Variants in CNTN5 observed in about 807,000 individuals in gnomAD.
CNTN5 encodes contactin 5, also known as contactin-5.
CNTN5 carries 77 observed loss-of-function variants against 129.1 expected under a neutral mutation model. That is an observed-to-expected ratio of 0.60 (90% CI 0.50 to 0.72). The LOEUF (loss-of-function observed/expected upper bound fraction) is 0.72. Among genes scored for constraint, CNTN5 ranks in the 30% least tolerant of loss-of-function variants. CNTN5 has a pLI of 0.00. For missense variants in CNTN5, 1,478 were observed against 1,328.8 expected (o/e 1.11, Z -1.75); for synonymous variants, 509 against 465.6 (o/e 1.09, Z -1.20).
chr11:100,305,817 G>A (rs1159731050), intron 20 of CNTN5, among the ~76,000 whole-genome samples: 1 of 151,442 alleles, frequency 6.6e-6, no homozygotes, highest in Non-Finnish European at 1.5e-5. Flanking sequence ...TCTAATTCAG[G>A]TCAACATAGA....
At chr11:99,599,527 G>C (rs1335654653) in intron 3 of CNTN5, among the ~76,000 whole-genome samples, 4 of 152,066 alleles carry the variant, frequency 2.6e-5, no homozygotes, top group Non-Finnish European at 5.9e-5. Context: ...TCCAAATAGT[G>C]TTCTATGTTG....
rs768808972 is a variant in CNTN5, at chr11:100,061,410, A to C, written c.1162+17A>C. 18 of 1,527,800 alleles carry C rather than the reference A, an allele frequency of 1.2e-5. No homozygotes were observed. Among genetic ancestry groups the C allele is most frequent in the Non-Finnish European group, 1.3e-5 (15 of 1,120,604 alleles). The allele number at this position is 1,527,800 out of a possible 1,614,324, so 94.6% of individuals were successfully genotyped here. A position where few individuals can be genotyped will look rare whatever the true frequency, so the allele number is the denominator to read the frequency against. On this transcript the variant is annotated intron_variant, in intron 10 of 24. Coordinates refer to ENST00000524871, the MANE Select transcript of CNTN5 (RefSeq NM_014361.4). ...AAGTATACAGTAAGTGTTTTCAGCA[A>C]AGCATGATTGCTCTAGTCCCAAAAG...
rs146844943 is a variant in CNTN5, at chr11:99,807,589, C to T, written c.56-11955C>T. ...GGAGTGCAGTGACCTGATCTTGGTT[C>T]ACTGCAACCACCACCTCCCAGTTGA... On this transcript the variant is annotated intron_variant, in intron 3 of 24. Transcript: ENST00000524871. Among the ~76,000 whole-genome samples, 392 of 152,210 alleles carry T rather than the reference C, an allele frequency of 2.6e-3. 1 individual carries two copies. Among genetic ancestry groups the T allele is most frequent in the Non-Finnish European group, 2.8e-3 (188 of 68,018 alleles).
intron 6 of CNTN5, among the ~76,000 whole-genome samples, chr11:99,848,429 TATAA>T (rs1403494985): frequency 2.6e-5 from 4 of 152,152 alleles, no homozygotes; most frequent in African/African-American, 9.7e-5. Flanking sequence ...TATCTAAAAA[TATAA>T]ATATTCATTA....
chr11:99,932,601 T>A (rs1349537693), intron 7 of CNTN5, among the ~76,000 whole-genome samples: 3 of 152,184 alleles, frequency 2.0e-5, no homozygotes, highest in African/African-American at 7.2e-5. Context: ...TTATCAGCAA[T>A]GTGACTTTGG....
rs540436888 is a variant in CNTN5 at position 99,763,374 on chromosome 11, A to G, written c.56-56170A>G. Among the ~76,000 whole-genome samples, 3 of 152,280 alleles carry G rather than the reference A, an allele frequency of 2.0e-5. No individual in the cohort carries two copies. In the South Asian group the frequency reaches 6.2e-4, roughly 32 times the overall value. ...CATAAATATTAATGTGGATGGTGGA[A>G]AGTAAAAATTCTAACTCATGTAAGC... On this transcript the variant is annotated intron_variant, in intron 3 of 24. Coordinates refer to ENST00000524871, the MANE Select transcript of CNTN5 (RefSeq NM_014361.4).
chr11:100,250,284 A>G (rs538300240), intron 16 of CNTN5, among the ~76,000 whole-genome samples: 1 of 152,200 alleles, frequency 6.6e-6, no homozygotes, highest in African/African-American at 2.4e-5. Flanking sequence ...CGTCTAATAT[A>G]ATTATATTTT....
chr11:99,226,464 G>A (rs1010352064), intron 1 of CNTN5, among the ~76,000 whole-genome samples: 5 of 152,066 alleles, frequency 3.3e-5, no homozygotes, highest in Non-Finnish European at 5.9e-5. Flanking sequence ...ATTACCTTGC[G>A]CTTCGTATCT....
At chr11:99,888,398 G>C (rs1047898562) in intron 6 of CNTN5, among the ~76,000 whole-genome samples, 1 of 152,082 alleles carries the variant, frequency 6.6e-6, no homozygotes, top group African/African-American at 2.4e-5. Flanking sequence ...AAGTTGAAAT[G>C]TTGATACTAC....
intron 2 of CNTN5, among the ~76,000 whole-genome samples, chr11:99,502,419 G>A (rs1007178919): frequency 6.6e-6 from 1 of 151,868 alleles, no homozygotes; most frequent in Non-Finnish European, 1.5e-5. Context: ...CACGGGGGTT[G>A]GGGGGGTGGT....
chr11:100,205,338 T>C (rs1948891416), intron 15 of CNTN5, among the ~76,000 whole-genome samples: 1 of 152,104 alleles, frequency 6.6e-6, no homozygotes, highest in African/African-American at 2.4e-5. Flanking sequence ...ACTATTTTTA[T>C]CATATTACAG....
chr11:100,095,860 A>G (rs529270728), intron 13 of CNTN5, among the ~76,000 whole-genome samples: 1 of 152,162 alleles, frequency 6.6e-6, no homozygotes, highest in Non-Finnish European at 1.5e-5. Context: ...ACATGTCTCC[A>G]TTATTTTTAG....
chr11:100,072,978 AT>A (rs1320945045), intron 12 of CNTN5, among the ~76,000 whole-genome samples: 1 of 109,714 alleles, frequency 9.1e-6, no homozygotes. Flanking sequence ...TGTAAATTCT[AT>A]TCCCAGGAGG....
chr11:99,321,411 T>C (rs1865565815), intron 1 of CNTN5, among the ~76,000 whole-genome samples: 1 of 151,554 alleles, frequency 6.6e-6, no homozygotes, highest in African/African-American at 2.4e-5. Context: ...ATACTGTTTT[T>C]AACATTTTAA....
intron 1 of CNTN5, among the ~76,000 whole-genome samples, chr11:99,239,356 G>C (rs931401128): frequency 2.0e-5 from 3 of 152,182 alleles, no homozygotes; most frequent in African/African-American, 7.2e-5. Flanking sequence ...GTGTATGCAA[G>C]TATGTTTTCA....
chr11:100,028,379 T>C (rs1157239442), intron 9 of CNTN5, among the ~76,000 whole-genome samples: 1 of 152,182 alleles, frequency 6.6e-6, no homozygotes, highest in African/African-American at 2.4e-5. Context: ...CTGAACTGCA[T>C]TTTCAAAATT....
At chr11:99,319,847 C>T (rs1246758741) in intron 1 of CNTN5, among the ~76,000 whole-genome samples, 2 of 152,100 alleles carry the variant, frequency 1.3e-5, no homozygotes. Flanking sequence ...AAAAGATGCT[C>T]ATTCAAACAA....
At chr11:100,227,581 A>G (rs1356119485) in intron 16 of CNTN5, among the ~76,000 whole-genome samples, 1 of 152,192 alleles carries the variant, frequency 6.6e-6, no homozygotes, top group Non-Finnish European at 1.5e-5. Context: ...TAATTACCTG[A>G]AGCATAAAGT....
chr11:99,555,373 A>G (rs189454155), intron 2 of CNTN5, among the ~76,000 whole-genome samples: 116 of 152,126 alleles, frequency 7.6e-4, no homozygotes, highest in African/African-American at 2.6e-3. Context: ...AGAAACTTCC[A>G]ATATATATTT....
Sources: allele counts gnomAD v4.1 joint callset (sites outside exome capture counted in the v4.1 genomes callset), GRCh38; gene constraint gnomAD v4.1.1; transcripts MANE v1.5; gene names NCBI Gene and HGNC (gene_info 2026-07-23, HGNC 2026-07-21).